GMDS: variants seen among roughly 807,000 people sequenced by gnomAD.
The protein encoded by GMDS is GDP-mannose 4,6-dehydratase, also known as GDP-mannose 4,6 dehydratase.
In GMDS, 20 loss-of-function variants were observed where a neutral mutation model predicts 49.9. The ratio of observed to expected loss-of-function variants is 0.40; its 90% CI spans 0.28 to 0.58. The LOEUF is 0.58. GMDS is among the 20% of genes least tolerant of loss of function. GMDS has a pLI of 0.42. For synonymous variants in GMDS, 177 were observed against 178.6 expected (o/e 0.99, Z 0.07); for missense variants, 362 against 481.4 (o/e 0.75, Z 2.32).
At chr6:2,050,991 G>T (rs1315784957) in intron 4 of GMDS, among the ~76,000 whole-genome samples, 1 of 152,066 alleles carries the variant, frequency 6.6e-6, no homozygotes, top group South Asian at 2.1e-4. Context: ...ATAGTATTAG[G>T]AGAAATATCT....
chr6:1,634,300 A>C (rs10900912), intron 9 of GMDS, among the ~76,000 whole-genome samples: 11,739 of 152,186 alleles, frequency 0.077, 487 homozygotes, highest in Middle Eastern at 0.11. Flanking sequence ...TTCTGGCCAA[A>C]TGAGGACACG....
At chr6:2,098,080 C>T (rs1272956057) in intron 4 of GMDS, among the ~76,000 whole-genome samples, 7 of 151,230 alleles carry the variant, frequency 4.6e-5, no homozygotes, top group Admixed American at 1.3e-4. Context: ...TTTTTTGAGA[C>T]GAAATCTCTT....
At chr6:2,055,222 T>A (rs981889301) in intron 4 of GMDS, among the ~76,000 whole-genome samples, 1 of 151,282 alleles carries the variant, frequency 6.6e-6, no homozygotes, top group Non-Finnish European at 1.5e-5. Flanking sequence ...GGGACAATAT[T>A]ATAACATTCT....
chr6:2,171,258 T>G (rs1429382167), intron 1 of GMDS, among the ~76,000 whole-genome samples: 1 of 152,086 alleles, frequency 6.6e-6, no homozygotes, highest in African/African-American at 2.4e-5. Context: ...TTCAAAAGAT[T>G]AAAAGAATAA....
At chr6:1,917,263 T>C (rs929926746) in intron 7 of GMDS, among the ~76,000 whole-genome samples, 1 of 152,118 alleles carries the variant, frequency 6.6e-6, no homozygotes, top group African/African-American at 2.4e-5. Flanking sequence ...ATACCAAAAA[T>C]CAGCCCAGAA....
intron 7 of GMDS, among the ~76,000 whole-genome samples, chr6:1,915,123 A>G (rs1157452188): frequency 6.6e-6 from 1 of 152,240 alleles, no homozygotes; most frequent in African/African-American, 2.4e-5. Flanking sequence ...GTGTCCCCAC[A>G]GAACCAGTGG....
At chr6:1,972,751 G>A (rs1050821142) in intron 4 of GMDS, among the ~76,000 whole-genome samples, 12 of 152,132 alleles carry the variant, frequency 7.9e-5, no homozygotes, top group African/African-American at 2.2e-4. Context: ...CTATACAGTC[G>A]CCGCAGATGC....
chr6:1,728,924 C>T (rs927478652), intron 8 of GMDS, among the ~76,000 whole-genome samples: 2 of 151,222 alleles, frequency 1.3e-5, no homozygotes, highest in African/African-American at 4.9e-5. Context: ...ACTGTAAAAC[C>T]TGTCCTTACC....
intron 7 of GMDS, among the ~76,000 whole-genome samples, chr6:1,816,488 T>C (rs1482195356): frequency 6.6e-6 from 1 of 152,172 alleles, no homozygotes; most frequent in African/African-American, 2.4e-5. Flanking sequence ...ATTCGATTTA[T>C]TCATATACAG....
intron 4 of GMDS, among the ~76,000 whole-genome samples, chr6:2,001,001 T>G (rs1291530191): frequency 6.6e-6 from 1 of 152,226 alleles, no homozygotes; most frequent in Non-Finnish European, 1.5e-5. Flanking sequence ...TTCATTTCTC[T>G]TGGGTAGAGT....
intron 4 of GMDS, among the ~76,000 whole-genome samples, chr6:1,994,031 A>G (rs1010976800): frequency 6.6e-6 from 1 of 152,184 alleles, no homozygotes; most frequent in Non-Finnish European, 1.5e-5. Context: ...CATTACAGCA[A>G]CTGCTTTGGT....
chr6:1,911,771 C>T (rs1456171239), intron 7 of GMDS, among the ~76,000 whole-genome samples: 1 of 152,072 alleles, frequency 6.6e-6, no homozygotes, highest in African/African-American at 2.4e-5. Context: ...CTTTTATTAG[C>T]CTCAATTTTT....
intron 4 of GMDS, among the ~76,000 whole-genome samples, chr6:2,018,880 AC>A (rs2127403364): frequency 6.6e-6 from 1 of 152,258 alleles, no homozygotes; most frequent in Non-Finnish European, 1.5e-5. Context: ...GTACATGGTA[AC>A]TTGACATTTA....
At chr6:1,913,655 T>G (rs997821473) in intron 7 of GMDS, among the ~76,000 whole-genome samples, 1 of 152,112 alleles carries the variant, frequency 6.6e-6, no homozygotes, top group Non-Finnish European at 1.5e-5. Flanking sequence ...AAGAAGCCCA[T>G]AGTATAAGTT....
intron 4 of GMDS, among the ~76,000 whole-genome samples, chr6:2,073,698 C>T (rs77690599): frequency 6.6e-6 from 1 of 152,176 alleles, no homozygotes; most frequent in Admixed American, 6.5e-5. Flanking sequence ...TGGCATCTAT[C>T]GTTCTACTCT....
chr6:1,877,644 T>TAAAA (rs60037634), intron 7 of GMDS, among the ~76,000 whole-genome samples: 54 of 90,476 alleles, frequency 6.0e-4, no homozygotes, highest in East Asian at 1.3e-3. Flanking sequence ...TCTCAAAAAT[T>TAAAA]AAAAAAAAAA....
intron 9 of GMDS, among the ~76,000 whole-genome samples, chr6:1,715,383 T>G (rs1766137826): frequency 6.6e-6 from 1 of 152,240 alleles, no homozygotes; most frequent in East Asian, 1.9e-4. Context: ...AGCATAAGAA[T>G]GATTCTTTGG....
At chr6:2,107,400 C>A (rs925571312) in intron 4 of GMDS, among the ~76,000 whole-genome samples, 1 of 152,136 alleles carries the variant, frequency 6.6e-6, no homozygotes, top group East Asian at 1.9e-4. Context: ...CTCCTGCCTA[C>A]CCTGATGAAT....
intron 9 of GMDS, among the ~76,000 whole-genome samples, chr6:1,646,290 T>G (rs1018825543): frequency 1.3e-5 from 2 of 152,172 alleles, no homozygotes; most frequent in Non-Finnish European, 1.5e-5. Flanking sequence ...TCCTCCCGCT[T>G]CACAGACCAG....
Sources: allele counts gnomAD v4.1 joint callset (sites outside exome capture counted in the v4.1 genomes callset), GRCh38; gene constraint gnomAD v4.1.1; transcripts MANE v1.5; gene names NCBI Gene and HGNC (gene_info 2026-07-23, HGNC 2026-07-21).